Variants in MFHAS1 observed in about 807,000 individuals in gnomAD.
MFHAS1 encodes multifunctional ROCO family signaling regulator 1.
Under a neutral mutation model 70.4 loss-of-function variants are expected in MFHAS1, and 50 were observed. The observed-to-expected ratio is 0.71, with a 90% CI of 0.57 to 0.90. The LOEUF (loss-of-function observed/expected upper bound fraction) is 0.90, where lower values mean the gene tolerates loss of function less well. Among genes scored for constraint, MFHAS1 ranks in the 40% least tolerant of loss-of-function variants. The pLI, the probability that MFHAS1 is intolerant of heterozygous loss-of-function variation, is 0.00. For synonymous variants in MFHAS1, 952 were observed against 620.0 expected (o/e 1.54, Z -7.96); for missense variants, 1,795 against 1,347.6 (o/e 1.33, Z -5.20).
At chr8:8,843,661 A>T (rs1219134484) in intron 1 of MFHAS1, among the ~76,000 whole-genome samples, 3 of 152,140 alleles carry the variant, frequency 2.0e-5, no homozygotes, top group Non-Finnish European at 4.4e-5. Context: ...AAAAAGAAGA[A>T]AGTGAAAGGT....
chr8:8,889,527 C>T (rs996927611), intron 1 of MFHAS1, among the ~76,000 whole-genome samples: 1 of 152,206 alleles, frequency 6.6e-6, no homozygotes, highest in Non-Finnish European at 1.5e-5. Flanking sequence ...CCGCATTTTA[C>T]AATCTGATTT....
At chr8:8,851,712 TA>T (rs1289066914) in intron 1 of MFHAS1, among the ~76,000 whole-genome samples, 8 of 152,182 alleles carry the variant, frequency 5.3e-5, no homozygotes, top group Non-Finnish European at 1.2e-4. Flanking sequence ...ATTCACTGAG[TA>T]ACACTTTAAC....
rs1435940644 is a variant in MFHAS1, at chr8:8,785,666, A to G, written c.*356T>C. 1 of 231,430 alleles carries G rather than the reference A, an allele frequency of 4.3e-6. No individual in the cohort carries two copies. Among genetic ancestry groups the G allele is most frequent in the African/African-American group, 2.2e-5 (1 of 44,790 alleles). 14.3% of individuals were successfully genotyped at this position (231,430 alleles called of 1,614,324 possible). On this transcript the variant is annotated 3_prime_UTR_variant, in exon 3 of 3. Transcript: ENST00000276282. ...ACAGAACTGAAATCTGAGTGCTCTA[A>G]ATACTGCCACCTGTACTGTAACTAT...
chr8:8,812,345 C>T (rs1806580691), intron 1 of MFHAS1, among the ~76,000 whole-genome samples: 1 of 152,184 alleles, frequency 6.6e-6, no homozygotes, highest in South Asian at 2.1e-4. Context: ...GTCTTGGTTA[C>T]TTACACGGGC....
At chr8:8,804,798 G>C (rs997338539) in intron 1 of MFHAS1, among the ~76,000 whole-genome samples, 12 of 152,242 alleles carry the variant, frequency 7.9e-5, no homozygotes, top group African/African-American at 2.9e-4. Context: ...CCCACACACT[G>C]GGCACGGATG....
intron 1 of MFHAS1, among the ~76,000 whole-genome samples, chr8:8,820,440 G>A (rs1806911113): frequency 6.6e-6 from 1 of 152,158 alleles, no homozygotes; most frequent in Non-Finnish European, 1.5e-5. Context: ...TCTTTCATCT[G>A]ACAGTCAGGT....
At chr8:8,874,011 A>G (rs1277477322) in intron 1 of MFHAS1, among the ~76,000 whole-genome samples, 1 of 152,222 alleles carries the variant, frequency 6.6e-6, no homozygotes, top group African/African-American at 2.4e-5. Context: ...ACACATCACC[A>G]AAGCCAATTT....
intron 1 of MFHAS1, among the ~76,000 whole-genome samples, chr8:8,839,739 A>G (rs951570506): frequency 9.9e-5 from 15 of 152,244 alleles, no homozygotes; most frequent in African/African-American, 3.4e-4. Flanking sequence ...ACATATATCA[A>G]TGAAACACCA....
chr8:8,863,021 G>A (rs968351383), intron 1 of MFHAS1, among the ~76,000 whole-genome samples: 2 of 152,278 alleles, frequency 1.3e-5, no homozygotes, highest in African/African-American at 4.8e-5. Context: ...GTTAATTTGT[G>A]TATATAGTAC....
chr8:8,814,682 T>C (rs768594264), intron 1 of MFHAS1, among the ~76,000 whole-genome samples: 8 of 152,080 alleles, frequency 5.3e-5, no homozygotes, highest in Non-Finnish European at 1.0e-4. Context: ...CTCTGAAAAC[T>C]TAAGAAAATA....
At chr8:8,843,597 A>G (rs559479665) in intron 1 of MFHAS1, among the ~76,000 whole-genome samples, 89 of 152,320 alleles carry the variant, frequency 5.8e-4, no homozygotes, top group Middle Eastern at 3.4e-3. Flanking sequence ...AAATAAACAC[A>G]TAAATAAAAA....
At chr8:8,886,943 T>C (rs1413521442) in intron 1 of MFHAS1, among the ~76,000 whole-genome samples, 1 of 152,134 alleles carries the variant, frequency 6.6e-6, no homozygotes, top group Non-Finnish European at 1.5e-5. Context: ...CTGGCCAACC[T>C]GGCGAAACCC....
At position 8,891,435 on chromosome 8, in the gene MFHAS1, A is replaced by C; in HGVS notation, c.1624T>G (p.Cys542Gly). 1 of 1,612,936 alleles carries C rather than the reference A, an allele frequency of 6.2e-7. No homozygotes were observed. The highest frequency in any genetic ancestry group is 8.5e-7 in the Non-Finnish European group (1 of 1,180,030). ...VCIVGTHADL[C>G]GERELEEKCL... ...TTCTCCTCCAGCTCACGCTCTCCGC[A>C]CAGGTCTGCGTGGGTGCCCACGATG... Residue 542 changes from cysteine (C) to glycine (G), a missense_variant, in exon 1 of 3, where the codon TGC becomes GGC. By Grantham distance (159) the Cys-to-Gly change is radical (BLOSUM62 -3). Transcript: ENST00000276282. This position sits in a 1 kb window ranked among gnomAD's most constrained non-coding sequence, Gnocchi z 5.4.
intron 1 of MFHAS1, among the ~76,000 whole-genome samples, chr8:8,814,927 T>G (rs1181572226): frequency 6.6e-6 from 1 of 151,616 alleles, no homozygotes; most frequent in Non-Finnish European, 1.5e-5. Context: ...TGGGTAAACG[T>G]GTGCCATGGG....
At position 8,892,902 on chromosome 8, in the gene MFHAS1, A is replaced by G. The variant is rs1403317461; in HGVS notation, c.157T>C (p.Ser53Pro). The change falls in exon 1 of 3, where the codon TCC becomes CCC. Residue 53 changes from serine to proline, a missense_variant. Transcript: ENST00000276282. This position sits in a 1 kb window ranked among gnomAD's most constrained non-coding sequence, Gnocchi z 4.7. ...AGADALESPA[S>P]PQLVLPANLG... The stretch of plus-strand genomic sequence containing the variant: ...TTGGCCGGCAGCACGAGCTGGGGGG[A>G]GGCGGGGGACTCGAGCGCGTCGGCC... 2 of 1,571,232 alleles carry G rather than the reference A, an allele frequency of 1.3e-6. No individual in the cohort carries two copies. Among genetic ancestry groups the G allele is most frequent in the Middle Eastern group, 1.7e-4 (1 of 5,748 alleles).
At chr8:8,880,608 A>G (rs1018375037) in intron 1 of MFHAS1, among the ~76,000 whole-genome samples, 3 of 152,014 alleles carry the variant, frequency 2.0e-5, no homozygotes, top group Non-Finnish European at 2.9e-5. Flanking sequence ...CAGATTTGCA[A>G]AAGTGAAAGA....
chr8:8,878,492 A>T (rs1422313670), intron 1 of MFHAS1, among the ~76,000 whole-genome samples: 1 of 152,140 alleles, frequency 6.6e-6, no homozygotes, highest in East Asian at 1.9e-4. Flanking sequence ...TTTTTCTCCA[A>T]AAATAGGGAG....
At chr8:8,863,269 T>C (rs1165855038) in intron 1 of MFHAS1, among the ~76,000 whole-genome samples, 1 of 152,202 alleles carries the variant, frequency 6.6e-6, no homozygotes, top group East Asian at 1.9e-4. Flanking sequence ...TAACTTAGAA[T>C]ACAGTACTGA....
chr8:8,788,798 G>A (rs1488525054), intron 2 of MFHAS1, among the ~76,000 whole-genome samples: 1 of 152,202 alleles, frequency 6.6e-6, no homozygotes, highest in African/African-American at 2.4e-5. Flanking sequence ...AGCGACCAAT[G>A]GGCCTTAACT....
Sources: gnomAD v4.1 joint callset for allele counts (sites outside exome capture counted in the v4.1 genomes callset) on GRCh38, gnomAD v4.1.1 for gene constraint, Gnocchi (gnomAD v3.1) non-coding constraint, MANE v1.5 for transcripts, NCBI Gene and HGNC (gene_info 2026-07-23, HGNC 2026-07-21) for gene names.